The following C14orf180 variants were observed in gnomAD, a reference collection of about 807,000 sequenced individuals.
C14orf180 encodes the protein chromosome 14 open reading frame 180, also known as nutritionally-regulated adipose and cardiac enriched protein homolog.
Under a neutral mutation model 13.9 loss-of-function variants are expected in C14orf180, and 13 were observed. The observed-to-expected ratio is 0.94, with a 90% CI of 0.61 to 1.49. The LOEUF (loss-of-function observed/expected upper bound fraction) is 1.49. Ranked by LOEUF, C14orf180 falls within the 40% of genes most tolerant of loss-of-function variation. The pLI is 0.00. For missense variants in C14orf180, 238 were observed against 232.0 expected (o/e 1.03, Z -0.17); for synonymous variants, 113 against 106.3 (o/e 1.06, Z -0.39).
chr14:104,582,691 C>T (rs1032285901), intron 1 of C14orf180, among the ~76,000 whole-genome samples: 3 of 152,246 alleles, frequency 2.0e-5, no homozygotes, highest in South Asian at 2.1e-4. Context: ...GTAAGAACCC[C>T]CCAGCCCCCC....
chr14:104,583,496 C>T (rs1469014192), intron 1 of C14orf180, among the ~76,000 whole-genome samples: 1 of 152,210 alleles, frequency 6.6e-6, no homozygotes, highest in Non-Finnish European at 1.5e-5. Flanking sequence ...CTGCTCTCCT[C>T]ACCCCCATTT....
intron 1 of C14orf180, among the ~76,000 whole-genome samples, chr14:104,583,320 A>G (rs1289513710): frequency 1.3e-5 from 2 of 152,176 alleles, no homozygotes; most frequent in African/African-American, 4.8e-5. Context: ...GTCATCCCAT[A>G]GGATGTCCTG....
intron 1 of C14orf180, among the ~76,000 whole-genome samples, chr14:104,580,559 C>A (rs1886401036): frequency 6.6e-6 from 1 of 152,190 alleles, no homozygotes; most frequent in Non-Finnish European, 1.5e-5. Flanking sequence ...TGGGGGGCAT[C>A]CTCCGAGGGC....
intron 2 of C14orf180, 81 bp downstream of exon 2, chr14:104,586,622 G>A: frequency 1.5e-6 from 1 of 650,068 alleles, no homozygotes; most frequent in Non-Finnish European, 2.2e-6. Flanking sequence ...AACAGACGTG[G>A]AAAGGCCATC....
At chr14:104,585,869 G>A (rs1886601114) in intron 1 of C14orf180, among the ~76,000 whole-genome samples, 2 of 152,050 alleles carry the variant, frequency 1.3e-5, no homozygotes, top group African/African-American at 2.4e-5. Flanking sequence ...GCTGAGGGGT[G>A]GGCCCCCAGG....
At chr14:104,585,370 A>G (rs1886580725) in intron 1 of C14orf180, among the ~76,000 whole-genome samples, 1 of 152,194 alleles carries the variant, frequency 6.6e-6, no homozygotes, top group Non-Finnish European at 1.5e-5. Flanking sequence ...AGCCCTTGAA[A>G]GGCAGACACC....
chr14:104,588,831 C>A lies in C14orf180; in HGVS notation c.*48C>A. On this transcript the variant is annotated 3_prime_UTR_variant, in exon 5 of 5. Coordinates refer to ENST00000557649, the MANE Select transcript of C14orf180 (RefSeq NM_001008404.3). Reference sequence around the variant, plus strand: ...CAGGGCTTCCAGGAGAGCTCAAGCACTCCGGGGGCTCCGAGACAGCCTGAG... The same window carrying A: ...CAGGGCTTCCAGGAGAGCTCAAGCAATCCGGGGGCTCCGAGACAGCCTGAG... 1 of 1,524,250 alleles carries A rather than the reference C, an allele frequency of 6.6e-7. No individual in the cohort carries two copies. The highest frequency in any genetic ancestry group is 8.8e-7 in the Non-Finnish European group (1 of 1,139,998). 94.4% of individuals were successfully genotyped at this position (1,524,250 alleles called of 1,614,324 possible). A position where few individuals can be genotyped will look rare whatever the true frequency, so the allele number is the denominator to read the frequency against.
Position 104,588,324 on chromosome 14 carries a change from C to A in C14orf180, c.277+15C>A, listed in dbSNP as rs1460906971. The A allele has an allele frequency of 1.9e-6, 3 of 1,612,538 alleles. No homozygotes were observed. The highest frequency in any genetic ancestry group is 2.5e-6 in the Non-Finnish European group (3 of 1,180,008). ...CACTGTCAGGGGTGAGTTCTGAGCC[C>A]ACATCCCTGTGCCCCACTGCCCCCT... On this transcript the variant is annotated intron_variant, in intron 4 of 4. Transcript: ENST00000557649.
intron 2 of C14orf180, among the ~76,000 whole-genome samples, chr14:104,587,093 C>T (rs914359608): frequency 6.6e-6 from 1 of 152,202 alleles, no homozygotes; most frequent in Non-Finnish European, 1.5e-5. Context: ...AACCTCAGAG[C>T]TGGCCCGGCT....
chr14:104,588,697 G>A lies in C14orf180; in HGVS notation c.397G>A (p.Glu133Lys). 2.0e-6 allele frequency: 3 copies of A among 1,535,664 alleles called. No individual in the cohort carries two copies. Among genetic ancestry groups the A allele is most frequent in the Non-Finnish European group, 2.6e-6 (3 of 1,146,272 alleles). The part of the protein sequence containing the change: ...GRAKPVATAL[E>K]DLRARLLGLV... Reference sequence around the variant, plus strand: ...GGCCAAGCCCGTGGCAACGGCACTGGAGGACCTGCGGGCCCGGCTCCTCGG... The same window carrying A: ...GGCCAAGCCCGTGGCAACGGCACTGAAGGACCTGCGGGCCCGGCTCCTCGG... Residue 133 changes from glutamate to lysine, a missense_variant, in exon 5 of 5, where the codon GAG (glutamate) becomes AAG (lysine). Physicochemically the swap from Glu to Lys is moderately conservative, Grantham distance 56. Transcript: ENST00000557649.
At chr14:104,588,355 G>A in intron 4 of C14orf180, 46 bp downstream of exon 4, 1 of 1,612,528 alleles carries the variant, frequency 6.2e-7, no homozygotes, top group Non-Finnish European at 8.5e-7. Context: ...CCCCTCCGTG[G>A]GTGCACCCAC....
intron 1 of C14orf180, among the ~76,000 whole-genome samples, chr14:104,580,896 G>C (rs772949655): frequency 1.3e-5 from 2 of 152,250 alleles, no homozygotes; most frequent in African/African-American, 2.4e-5. Context: ...CAGCAGATGA[G>C]CAGCCATCAC....
intron 1 of C14orf180, among the ~76,000 whole-genome samples, chr14:104,583,939 C>G (rs371007533): frequency 6.6e-6 from 1 of 152,310 alleles, no homozygotes; most frequent in African/African-American, 2.4e-5. Context: ...TTCACACACA[C>G]AGACACCCCA....
intron 1 of C14orf180, among the ~76,000 whole-genome samples, chr14:104,582,449 C>G (rs973200187): frequency 2.0e-5 from 3 of 152,166 alleles, no homozygotes; most frequent in African/African-American, 7.2e-5. Context: ...GGCTAGACCC[C>G]CAAAGACTGT....
chr14:104,587,716 G>T (rs1198216265), intron 2 of C14orf180, 33 bp from the exon 3 acceptor site: 1 of 1,609,122 alleles, frequency 6.2e-7, no homozygotes, highest in Non-Finnish European at 8.5e-7. Flanking sequence ...TCCCGCCGGG[G>T]ACTCACCAGT....
chr14:104,584,227 A>G (rs943201179), intron 1 of C14orf180, among the ~76,000 whole-genome samples: 4 of 152,128 alleles, frequency 2.6e-5, no homozygotes, highest in Admixed American at 6.5e-5. Flanking sequence ...GGCCCCCTGG[A>G]ATGCTGCTGC....
chr14:104,587,984 G>A (rs1414122061), intron 3 of C14orf180, 106 bp downstream of exon 3: 75 of 1,392,234 alleles, frequency 5.4e-5, no homozygotes, highest in Non-Finnish European at 6.6e-5. Context: ...CAGGACATGG[G>A]GGGGCCGTGG....
At chr14:104,587,213 C>T (rs531960298) in intron 2 of C14orf180, among the ~76,000 whole-genome samples, 163 of 152,306 alleles carry the variant, frequency 1.1e-3, no homozygotes, top group Admixed American at 2.7e-3. Context: ...GGCCCATACA[C>T]GTGAGCAGAC....
chr14:104,587,119 C>T (rs912260090), intron 2 of C14orf180, among the ~76,000 whole-genome samples: 3 of 152,158 alleles, frequency 2.0e-5, no homozygotes, highest in Admixed American at 1.3e-4. Context: ...GGTGCCTCAG[C>T]CCCAGTTGTC....
Sources: allele counts gnomAD v4.1 joint callset (sites outside exome capture counted in the v4.1 genomes callset), GRCh38; gene constraint gnomAD v4.1.1; transcripts MANE v1.5; gene names NCBI Gene and HGNC (gene_info 2026-07-23, HGNC 2026-07-21).